The following FAAP20 variants were observed in gnomAD, a reference collection of about 807,000 sequenced individuals.
FAAP20 encodes the protein Fanconi anemia core complex-associated protein 20.
A neutral mutation model predicts 16.2 loss-of-function variants in FAAP20; 12 were observed. The ratio of observed to expected loss-of-function variants is 0.74; its 90% CI spans 0.48 to 1.20. FAAP20 has a LOEUF of 1.20. Among genes scored for constraint, FAAP20 ranks in the 50% most tolerant of loss-of-function variants. The pLI, the probability that FAAP20 is intolerant of heterozygous loss-of-function variation, is 0.00. For synonymous variants in FAAP20, 141 were observed against 110.7 expected (o/e 1.27, Z -1.72); for missense variants, 288 against 245.8 (o/e 1.17, Z -1.15).
chr1:2,201,578 C>T (rs1311584691), upstream of FAAP20, among the ~76,000 whole-genome samples: 2 of 152,120 alleles, frequency 1.3e-5, no homozygotes, highest in African/African-American at 2.4e-5. Context: ...AAAATTTAGC[C>T]GGGCGTGGTG....
chr1:2,201,813 T>C (rs560472117), upstream of FAAP20, among the ~76,000 whole-genome samples: 308 of 152,064 alleles, frequency 2.0e-3, 3 homozygotes, highest in African/African-American at 7.1e-3. Flanking sequence ...GTCAGGAGCT[T>C]GAGACCATCT....
At chr1:2,203,620 G>A (rs1040137326), upstream of FAAP20, 5 of 985,810 alleles carry the variant, frequency 5.1e-6, no homozygotes, top group Admixed American at 1.2e-4. Context: ...GGATGCAGCT[G>A]CGTCTGGGGC....
chr1:2,190,165 C>T (rs1175722477), intron 3 of FAAP20: 2 of 487,932 alleles, frequency 4.1e-6, no homozygotes, highest in Non-Finnish European at 8.1e-6. Context: ...GGAGAGCCGC[C>T]GCGGCTGCGT....
chr1:2,209,558 G>C (rs1689380277), downstream of FAAP20, among the ~76,000 whole-genome samples: 1 of 152,200 alleles, frequency 6.6e-6, no homozygotes, highest in Non-Finnish European at 1.5e-5. Flanking sequence ...CCTGCACCCG[G>C]ACCCTGTCGG....
chr1:2,195,684 C>A (rs1450778256), upstream of FAAP20, among the ~76,000 whole-genome samples: 4 of 152,198 alleles, frequency 2.6e-5, no homozygotes, highest in Admixed American at 2.6e-4. Flanking sequence ...CCCTCCAGAA[C>A]TCAGCTGTGG....
chr1:2,211,347 A>G (rs1161133598), downstream of FAAP20, among the ~76,000 whole-genome samples: 1 of 121,984 alleles, frequency 8.2e-6, no homozygotes, highest in East Asian at 2.3e-4. Flanking sequence ...CTCCTGCCTC[A>G]GCCTCCCAAG....
Position 2,189,588 on chromosome 1 carries a change from T to G in FAAP20, c.*121A>C. On this transcript the variant is annotated 3_prime_UTR_variant, in exon 4 of 4. Transcript: ENST00000378546. ...GAGACAGACAGGAGCCCGCCCTGCTTTAATGCGCATGCGGGGGAGCCGAGA... is the reference window on the plus strand; with the variant it reads ...GAGACAGACAGGAGCCCGCCCTGCTGTAATGCGCATGCGGGGGAGCCGAGA... The G allele has an allele frequency of 3.8e-6, 3 of 795,880 alleles. No homozygotes were observed. The highest frequency in any genetic ancestry group is 5.1e-5 in the East Asian group (2 of 39,240). 49.3% of individuals were successfully genotyped at this position (795,880 alleles called of 1,614,324 possible).
At chr1:2,189,471 C>T, downstream of FAAP20, 1 of 571,292 alleles carries the variant, frequency 1.8e-6, no homozygotes, top group Non-Finnish European at 3.2e-6. Context: ...GCTTCCCCGC[C>T]TGGGGCTGTG....
At chr1:2,194,659 C>T in intron 1 of FAAP20, 29 bp downstream of exon 1, 22 of 1,119,860 alleles carry the variant, frequency 2.0e-5, no homozygotes, top group Non-Finnish European at 2.4e-5. Flanking sequence ...GGAAAACCGG[C>T]CGCGCCCCCG....
downstream of FAAP20, chr1:2,184,948 C>T: frequency 6.2e-7 from 1 of 1,613,936 alleles, no homozygotes; most frequent in South Asian, 1.1e-5. Flanking sequence ...ATCGACCAGT[C>T]AGAGTTCGAA....
At position 2,193,959 on chromosome 1, in the gene FAAP20, G is replaced by C. The variant is rs746398279; in HGVS notation, c.198+39C>G. ...TTGCCCAGCGATGGCTCCCGCCCTG[G>C]AAACCCCTTCATCGCTAAGATGGGC... On this transcript the variant is annotated intron_variant, in intron 2 of 3. Transcript: ENST00000378546. 3 of 1,612,156 alleles carry C rather than the reference G, an allele frequency of 1.9e-6. No homozygotes were observed. The African/African-American group carries it at 4.0e-5, about 22-fold the overall frequency.
downstream of FAAP20, among the ~76,000 whole-genome samples, chr1:2,209,921 G>A (rs1689390037): frequency 6.6e-6 from 1 of 152,174 alleles, no homozygotes; most frequent in Admixed American, 6.5e-5. Context: ...GTTCCATCCA[G>A]GGAGCACAGA....
At chr1:2,211,212 C>T (rs1282101428), downstream of FAAP20, among the ~76,000 whole-genome samples, 1 of 142,934 alleles carries the variant, frequency 7.0e-6, no homozygotes, top group African/African-American at 2.6e-5. Context: ...CTTTTCTTTT[C>T]TTTTTCTTTC....
At chr1:2,211,435 ATTTTTTTT>A (rs1164460550), downstream of FAAP20, among the ~76,000 whole-genome samples, 17 of 8,554 alleles carry the variant, frequency 2.0e-3, no homozygotes, top group East Asian at 6.1e-3. Context: ...ATATATATAT[ATTTTTTTT>A]TTTTTTTTTT....
At chr1:2,203,591 A>G (rs867490383), upstream of FAAP20, 5 of 985,914 alleles carry the variant, frequency 5.1e-6, no homozygotes, top group South Asian at 1.4e-4. Flanking sequence ...CAGGTCCCAC[A>G]TTTCTCAGAA....
upstream of FAAP20, among the ~76,000 whole-genome samples, chr1:2,196,397 A>G (rs1688824798): frequency 6.6e-6 from 1 of 152,148 alleles, no homozygotes; most frequent in South Asian, 2.1e-4. The surrounding 1 kb of genome is among the most constrained non-coding windows in gnomAD (Gnocchi z 4.5). Context: ...CCTTGTCTCT[A>G]TAAATAAAAA....
chr1:2,192,788 TG>T, intron 3 of FAAP20: 2 of 1,124,854 alleles, frequency 1.8e-6, no homozygotes, highest in Non-Finnish European at 2.4e-6. Context: ...CATGTAAAGA[TG>T]GGATCTTGCC....
At chr1:2,188,559 G>A (rs1479843040), downstream of FAAP20, among the ~76,000 whole-genome samples, 5 of 152,152 alleles carry the variant, frequency 3.3e-5, no homozygotes, top group African/African-American at 1.2e-4. Context: ...CCATCGAGAG[G>A]CGCCGCCCCG....
downstream of FAAP20, among the ~76,000 whole-genome samples, chr1:2,187,609 C>A (rs1212760136): frequency 1.3e-5 from 2 of 152,146 alleles, no homozygotes; most frequent in Non-Finnish European, 2.9e-5. Flanking sequence ...CGGCCTGAAG[C>A]CATTTTCTTA....
Sources: gnomAD v4.1 joint callset for allele counts (sites outside exome capture counted in the v4.1 genomes callset) on GRCh38, gnomAD v4.1.1 for gene constraint, Gnocchi (gnomAD v3.1) non-coding constraint, MANE v1.5 for transcripts, NCBI Gene and HGNC (gene_info 2026-07-23, HGNC 2026-07-21) for gene names.